TNNI3K: variants seen among roughly 807,000 people sequenced by gnomAD.
The protein encoded by TNNI3K is serine/threonine-protein kinase TNNI3K.
In TNNI3K, 140 loss-of-function variants were observed where a neutral mutation model predicts 114.5. That is an observed-to-expected ratio of 1.22 (90% confidence interval 1.07 to 1.41). TNNI3K has a LOEUF of 1.41. Ranked by LOEUF, TNNI3K falls within the 40% of genes most tolerant of loss-of-function variation. The probability of loss-of-function intolerance (pLI) is 0.00; values close to 1 mark genes in which losing one functional copy is unlikely to be tolerated. For missense variants in TNNI3K, 1,125 were observed against 1,007.6 expected, an observed-to-expected ratio of 1.12 and a Z score of -1.58; for synonymous variants, 347 against 347.5, an observed-to-expected ratio of 1.00 and a Z score of 0.02.
intron 5 of TNNI3K, among the ~76,000 whole-genome samples, chr1:74,305,972 A>G (rs191400504): frequency 4.6e-5 from 7 of 152,160 alleles, no homozygotes; most frequent in Non-Finnish European, 1.0e-4. Flanking sequence ...CCATCACCCA[A>G]AAAGTGAACG....
At chr1:74,387,617 A>C (rs1180478255) in intron 17 of TNNI3K, among the ~76,000 whole-genome samples, 1 of 152,212 alleles carries the variant, frequency 6.6e-6, no homozygotes, top group Non-Finnish European at 1.5e-5. Flanking sequence ...AGAGATTAGG[A>C]ATCAAGATGG....
intron 21 of TNNI3K, chr1:74,483,306 C>T: frequency 1.4e-6 from 1 of 717,516 alleles, no homozygotes; most frequent in Non-Finnish European, 2.6e-6. Context: ...ATCTTTGGTG[C>T]ACACCACACA....
intron 17 of TNNI3K, among the ~76,000 whole-genome samples, chr1:74,422,229 G>C (rs1458851515): frequency 6.6e-6 from 1 of 151,758 alleles, no homozygotes; most frequent in Non-Finnish European, 1.5e-5. Context: ...TAAAGTGAAG[G>C]TATATGTGTA....
chr1:74,425,830 C>T (rs1665611882), intron 17 of TNNI3K, among the ~76,000 whole-genome samples: 1 of 151,978 alleles, frequency 6.6e-6, no homozygotes, highest in South Asian at 2.1e-4. Flanking sequence ...ATTCTGGGGA[C>T]AGTCACACAG....
At chr1:74,332,937 C>T (rs1233721040) in intron 6 of TNNI3K, among the ~76,000 whole-genome samples, 1 of 113,894 alleles carries the variant, frequency 8.8e-6, no homozygotes, top group Non-Finnish European at 1.7e-5. Flanking sequence ...AGTGAGAATA[C>T]TCAAGGAACT....
intron 17 of TNNI3K, among the ~76,000 whole-genome samples, chr1:74,388,290 A>G (rs1415545245): frequency 2.0e-5 from 3 of 152,030 alleles, no homozygotes; most frequent in Non-Finnish European, 4.4e-5. Flanking sequence ...AAAAAATAAT[A>G]ATAATTTTTT....
intron 17 of TNNI3K, chr1:74,375,563 A>T (rs538893260): frequency 8.8e-6 from 4 of 455,306 alleles, no homozygotes; most frequent in Admixed American, 4.7e-5. Context: ...GATATTTTGC[A>T]GATGCTGTAC....
chr1:74,541,037 G>A (rs1646721301), intron 24 of TNNI3K, among the ~76,000 whole-genome samples: 1 of 152,148 alleles, frequency 6.6e-6, no homozygotes, highest in Admixed American at 6.6e-5. Context: ...GAGGCACTAT[G>A]TTTAATTGGA....
At chr1:74,463,022 G>A (rs972610184) in intron 20 of TNNI3K, among the ~76,000 whole-genome samples, 1 of 152,172 alleles carries the variant, frequency 6.6e-6, no homozygotes, top group African/African-American at 2.4e-5. Flanking sequence ...TATGAGAAGT[G>A]CAAATTTCAG....
chr1:74,339,662 C>A (rs926544958), intron 7 of TNNI3K, among the ~76,000 whole-genome samples: 6 of 152,004 alleles, frequency 3.9e-5, no homozygotes, highest in African/African-American at 1.4e-4. Context: ...TTTGGTTCAG[C>A]ATGTTTGAGA....
intron 17 of TNNI3K, among the ~76,000 whole-genome samples, chr1:74,408,178 C>A (rs1293991950): frequency 6.6e-6 from 1 of 152,138 alleles, no homozygotes; most frequent in Non-Finnish European, 1.5e-5. Flanking sequence ...TACCTTGTTT[C>A]CACGACAAAA....
intron 21 of TNNI3K, chr1:74,471,665 TC>T: frequency 2.5e-6 from 1 of 400,868 alleles, no homozygotes; most frequent in Non-Finnish European, 4.4e-6. Flanking sequence ...TTGGGTGACA[TC>T]ATCGACCTAT....
At chr1:74,364,809 G>A (rs1376148883) in intron 11 of TNNI3K, among the ~76,000 whole-genome samples, 1 of 152,136 alleles carries the variant, frequency 6.6e-6, no homozygotes, top group Middle Eastern at 3.4e-3. Context: ...AATGTGGGTG[G>A]CCTATAAAAC....
intron 20 of TNNI3K, among the ~76,000 whole-genome samples, chr1:74,449,363 T>C (rs1175044250): frequency 6.6e-6 from 1 of 151,688 alleles, no homozygotes; most frequent in East Asian, 1.9e-4. Flanking sequence ...TTTTTTTCTT[T>C]ATTAGTCTTG....
At chr1:74,346,969 A>T (rs1250210575) in intron 9 of TNNI3K, among the ~76,000 whole-genome samples, 5 of 151,704 alleles carry the variant, frequency 3.3e-5, no homozygotes, top group African/African-American at 1.2e-4. Context: ...ACCCCATTTT[A>T]AATTAAATAC....
chr1:74,310,158 A>T (rs1658901720), intron 5 of TNNI3K, among the ~76,000 whole-genome samples: 1 of 152,180 alleles, frequency 6.6e-6, no homozygotes, highest in Non-Finnish European at 1.5e-5. Flanking sequence ...ACTTCTTAAT[A>T]CTAATAATGT....
At chr1:74,358,760 A>G (rs1336367350) in intron 11 of TNNI3K, among the ~76,000 whole-genome samples, 1 of 152,010 alleles carries the variant, frequency 6.6e-6, no homozygotes, top group Non-Finnish European at 1.5e-5. Flanking sequence ...TCTCTTTTAA[A>G]AAAAATAAGT....
At chr1:74,535,288 G>C (rs544026119) in intron 23 of TNNI3K, among the ~76,000 whole-genome samples, 5 of 152,210 alleles carry the variant, frequency 3.3e-5, no homozygotes, top group South Asian at 2.1e-4. Flanking sequence ...TGACCAACAT[G>C]ATGAAGCCCC....
intron 7 of TNNI3K, 82 bp from the exon 8 acceptor site, chr1:74,342,760 A>T (rs540316110): frequency 1.3e-6 from 2 of 1,518,492 alleles, no homozygotes; most frequent in East Asian, 2.3e-5. Context: ...GGCACTTAGA[A>T]ATGTCCATGA....
Sources: gnomAD v4.1 joint callset for allele counts (sites outside exome capture counted in the v4.1 genomes callset) on GRCh38, gnomAD v4.1.1 for gene constraint, MANE v1.5 for transcripts, NCBI Gene and HGNC (gene_info 2026-07-23, HGNC 2026-07-21) for gene names.